The following CD164 variants were observed in gnomAD, a reference collection of about 807,000 sequenced individuals.
CD164 encodes CD164 molecule.
CD164 carries 11 observed loss-of-function variants against 24.6 expected under a neutral mutation model. The observed-to-expected ratio is 0.45, with a 90% CI of 0.28 to 0.74. CD164 has a LOEUF of 0.74. CD164 is among the 30% of genes least tolerant of loss of function. The pLI is 0.13. For synonymous variants in CD164, 126 were observed against 100.3 expected (o/e 1.26, Z -1.53); for missense variants, 295 against 243.7 (o/e 1.21, Z -1.40).
chr6:109,381,857 A>C (rs1582497127), intron 1 of CD164: 1 of 481,398 alleles, frequency 2.1e-6, no homozygotes, highest in Non-Finnish European at 3.7e-6. Flanking sequence ...CCTCAACCCC[A>C]CCGCTGCCCC....
chr6:109,369,878 T>C (rs1770980700), intron 5 of CD164, among the ~76,000 whole-genome samples: 1 of 152,160 alleles, frequency 6.6e-6, no homozygotes, highest in African/African-American at 2.4e-5. Context: ...ACCTACAGTA[T>C]CCTGTGGCGT....
In CD164 at chr6:109,368,644, C is replaced by G; in HGVS notation, c.*207G>C. 7.3e-7 allele frequency: 1 copy of G among 1,367,296 alleles called. No individual in the cohort carries two copies. Among genetic ancestry groups the G allele is most frequent in the Non-Finnish European group, 9.4e-7 (1 of 1,066,218 alleles). The allele number at this position is 1,367,296 out of a possible 1,614,324, so 84.7% of individuals were successfully genotyped here. On this transcript the variant is annotated 3_prime_UTR_variant, in exon 6 of 6. Coordinates refer to ENST00000310786, the MANE Select transcript of CD164 (RefSeq NM_006016.6). ...AAATAAGACAGCCACAGGATTCATGCAGAATATTTTAAATATTCCTGTTGA... is the reference window on the plus strand; with the variant it reads ...AAATAAGACAGCCACAGGATTCATGGAGAATATTTTAAATATTCCTGTTGA...
chr6:109,379,044 T>C (rs558814497), intron 2 of CD164, among the ~76,000 whole-genome samples: 4 of 152,214 alleles, frequency 2.6e-5, no homozygotes, highest in Non-Finnish European at 4.4e-5. Flanking sequence ...CCTCTTGTAT[T>C]AACAAAAGCA....
chr6:109,367,227 G>C lies in CD164; in HGVS notation c.*1624C>G, dbSNP rs909880690. 6.6e-6 allele frequency: 1 copy of C among 152,550 alleles called. No individual in the cohort carries two copies. The highest frequency in any genetic ancestry group is 2.4e-5 in the African/African-American group (1 of 41,436). The allele number at this position is 152,550 out of a possible 1,614,324, so 9.4% of individuals were successfully genotyped here. On this transcript the variant is annotated 3_prime_UTR_variant, in exon 6 of 6. Coordinates refer to ENST00000310786, the MANE Select transcript of CD164 (RefSeq NM_006016.6). ...GAAAACATTAAGTATATGTACAAAT[G>C]TGCAAGTAAAACAAACAGCTGTACC... is the stretch of plus-strand genomic sequence containing the variant.
In CD164 at chr6:109,368,894, TAAAG is replaced by T; in HGVS notation, c.547_550del (p.Leu183IlefsTer19). 6.2e-7 allele frequency: 1 copy of T among 1,613,374 alleles called. No homozygotes were observed. The highest frequency in any genetic ancestry group is 8.5e-7 in the Non-Finnish European group (1 of 1,179,738). On this transcript the variant is annotated frameshift_variant, in exon 6 of 6. Transcript: ENST00000310786. LOFTEE classifies it high-confidence loss of function. ...TCGTTCTTTAGATTTGCAGAATTTA[TAAAG>T]AAAGAAAATTACAGCCTGCACACCC...
intron 4 of CD164, among the ~76,000 whole-genome samples, chr6:109,375,284 C>T (rs1771328501): frequency 6.6e-6 from 1 of 151,872 alleles, no homozygotes; most frequent in Non-Finnish European, 1.5e-5. Flanking sequence ...TAATCAAGAG[C>T]AGGATGGGTA....
At chr6:109,369,410 G>A (rs1168003995) in intron 5 of CD164, among the ~76,000 whole-genome samples, 2 of 151,952 alleles carry the variant, frequency 1.3e-5, no homozygotes, top group East Asian at 3.9e-4. Flanking sequence ...ACTAGTATAA[G>A]GTAAAATATT....
intron 3 of CD164, among the ~76,000 whole-genome samples, chr6:109,377,691 C>G (rs188404837): frequency 2.6e-4 from 39 of 150,660 alleles, no homozygotes; most frequent in Non-Finnish European, 1.5e-4. Context: ...TCCACACTTA[C>G]AGCATCCACA....
chr6:109,381,650 A>G, intron 1 of CD164: 1 of 697,892 alleles, frequency 1.4e-6, no homozygotes, highest in Non-Finnish European at 2.6e-6. Context: ...TGCAAAACCA[A>G]TGTAATTAAA....
rs979298267 is a variant in CD164 at position 109,366,613 on chromosome 6, C to T, written c.*2238G>A. ...GAACTGAAATAGAAATGTCTAAATA[C>T]AGCAGTATCTGCCTGTGCAACAAAT... On this transcript the variant is annotated 3_prime_UTR_variant, in exon 6 of 6. Transcript: ENST00000310786. The T allele has an allele frequency of 4.6e-5, 7 of 152,576 alleles. No homozygotes were observed. The highest frequency in any genetic ancestry group is 1.7e-4 in the African/African-American group (7 of 41,430). The allele number at this position is 152,576 out of a possible 1,614,324, so 9.5% of individuals were successfully genotyped here.
Position 109,382,322 on chromosome 6 carries a change from G to A in CD164, c.57C>T (p.Cys19=), listed in dbSNP as rs777468629. 7 of 1,574,782 alleles carry A rather than the reference G, an allele frequency of 4.4e-6. No homozygotes were observed. The highest frequency in any genetic ancestry group is 1.3e-5 in the African/African-American group (1 of 74,272). The change falls in exon 1 of 6, where the codon TGC becomes TGT. Residue 19 remains cysteine, a synonymous_variant. Coordinates refer to ENST00000310786, the MANE Select transcript of CD164 (RefSeq NM_006016.6). ...TCGTGTTCTTGTCCGCGGACAGCAC[G>A]CAGAGCACGCCCAGGCAGGTGGCGG... ...LWAATCLGVL[C]VLSADKNTTQ...
intron 4 of CD164, among the ~76,000 whole-genome samples, chr6:109,375,626 A>AAAAAAAG (rs1554215557): frequency 6.8e-6 from 1 of 147,660 alleles, no homozygotes; most frequent in Non-Finnish European, 1.5e-5. Context: ...CCAAAAAAAA[A>AAAAAAAG]AAAAGAAAAG....
chr6:109,380,502 T>C (rs546712881), intron 1 of CD164: 1 of 152,372 alleles, frequency 6.6e-6, no homozygotes, highest in African/African-American at 2.4e-5. Context: ...GAGGCACTGC[T>C]TTCAATACTT....
rs896496901 is a variant in CD164 at position 109,371,707 on chromosome 6, T to A, written c.371-1240A>T. On this transcript the variant is annotated intron_variant, in intron 4 of 5. Transcript: ENST00000310786. ...TAAATTCAAAGTTTGCTGGAGCATT[T>A]GAGAAAGGTTTCATTAAGAGGTTGT... 2.0e-5 allele frequency: 3 copies of A among 153,784 alleles called. No homozygotes were observed. In the Admixed American group the frequency reaches 2.0e-4, roughly 10 times the overall value. 9.5% of individuals were successfully genotyped at this position (153,784 alleles called of 1,614,324 possible).
chr6:109,368,803 T>C lies in CD164; in HGVS notation c.*48A>G. 1 of 1,563,250 alleles carries C rather than the reference T, an allele frequency of 6.4e-7. No homozygotes were observed. The highest frequency in any genetic ancestry group is 1.2e-5 in the South Asian group (1 of 82,554). The stretch of plus-strand genomic sequence containing the variant: ...TTAAAAGATAGTATTTTGGCTTCAG[T>C]GAGTTACACAAATGAATCACCAGTC... On this transcript the variant is annotated 3_prime_UTR_variant, in exon 6 of 6. Coordinates refer to ENST00000310786, the MANE Select transcript of CD164 (RefSeq NM_006016.6).
intron 5 of CD164, among the ~76,000 whole-genome samples, chr6:109,369,771 A>G (rs924583215): frequency 7.2e-5 from 11 of 152,216 alleles, no homozygotes; most frequent in Admixed American, 2.6e-4. Context: ...AAGGTGGCAT[A>G]AGCATGAAGA....
intron 1 of CD164, chr6:109,381,589 G>A: frequency 2.8e-6 from 2 of 702,490 alleles, no homozygotes; most frequent in East Asian, 5.4e-5. Context: ...TTTGAAGTGT[G>A]AAGTTTTCAC....
intron 4 of CD164, 76 bp downstream of exon 4, chr6:109,375,998 A>G: frequency 8.9e-7 from 1 of 1,117,430 alleles, no homozygotes; most frequent in Non-Finnish European, 1.3e-6. Context: ...ACTTTTACAT[A>G]ATTATTTAAA....
chr6:109,377,518 G>A (rs1034350389), intron 3 of CD164, among the ~76,000 whole-genome samples: 1 of 152,024 alleles, frequency 6.6e-6, no homozygotes, highest in African/African-American at 2.4e-5. Context: ...CACCAACTAT[G>A]CTGCAGAATA....
Sources: gnomAD v4.1 joint callset for allele counts (sites outside exome capture counted in the v4.1 genomes callset) on GRCh38, gnomAD v4.1.1 for gene constraint, MANE v1.5 for transcripts, NCBI Gene and HGNC (gene_info 2026-07-23, HGNC 2026-07-21) for gene names.